The following ERLEC1 variants were observed in gnomAD, a reference collection of about 807,000 sequenced individuals.
ERLEC1 encodes ER lectin.
In ERLEC1, 47 loss-of-function variants were observed where a neutral mutation model predicts 68.0. That is an observed-to-expected ratio of 0.69 (90% CI 0.55 to 0.88). The LOEUF (loss-of-function observed/expected upper bound fraction) is 0.88, where lower values mean the gene tolerates loss of function less well. Among genes scored for constraint, ERLEC1 ranks in the 40% least tolerant of loss-of-function variants. ERLEC1 has a pLI of 0.00. For missense variants in ERLEC1, 567 were observed against 583.8 expected, an observed-to-expected ratio of 0.97 and a Z score of 0.30; for synonymous variants, 225 against 203.2, an observed-to-expected ratio of 1.11 and a Z score of -0.91.
intron 1 of ERLEC1, among the ~76,000 whole-genome samples, chr2:53,790,790 T>C (rs1187296249): frequency 6.6e-6 from 1 of 152,230 alleles, no homozygotes; most frequent in Non-Finnish European, 1.5e-5. Flanking sequence ...TTGTGTATTT[T>C]TGATGTGTAC....
intron 8 of ERLEC1, among the ~76,000 whole-genome samples, chr2:53,804,695 T>C (rs902906993): frequency 3.3e-5 from 5 of 152,150 alleles, no homozygotes; most frequent in East Asian, 1.9e-4. Context: ...TGAGACTCTT[T>C]TAGTATTATT....
chr2:53,805,034 G>A (rs1203923937), intron 8 of ERLEC1, among the ~76,000 whole-genome samples: 2 of 107,526 alleles, frequency 1.9e-5, no homozygotes, highest in African/African-American at 7.4e-5. Context: ...TCACTCTGTT[G>A]CCCAGGCTGG....
intron 9 of ERLEC1, 97 bp downstream of exon 9, chr2:53,808,557 A>G: frequency 3.2e-6 from 4 of 1,234,644 alleles, no homozygotes; most frequent in Non-Finnish European, 4.5e-6. Context: ...ATTTTTCTCT[A>G]GAGAAATGAC....
intron 3 of ERLEC1, among the ~76,000 whole-genome samples, chr2:53,796,246 GT>G (rs200295316): frequency 0.44 from 55,376 of 126,170 alleles, 8,831 homozygotes; most frequent in East Asian, 0.58. Context: ...TGATGGGTTG[GT>G]TTTTTTTTTT....
chr2:53,812,301 A>AT (rs1227491408), intron 10 of ERLEC1, among the ~76,000 whole-genome samples: 1 of 152,178 alleles, frequency 6.6e-6, no homozygotes, highest in Admixed American at 6.5e-5. Context: ...AACCAAAGGA[A>AT]TGCAAGGAGG....
chr2:53,808,158 A>T, intron 8 of ERLEC1, 141 bp from the exon 9 acceptor site: 1 of 824,084 alleles, frequency 1.2e-6, no homozygotes, highest in Non-Finnish European at 1.8e-6. Context: ...TGCAAAGTCC[A>T]TTATCTTAAA....
chr2:53,814,517 A>T (rs758395006), intron 11 of ERLEC1, 26 bp from the exon 12 acceptor site: 2 of 1,571,984 alleles, frequency 1.3e-6, no homozygotes, highest in Admixed American at 3.4e-5. Flanking sequence ...TTAGTTTAAT[A>T]AAACTTGTGT....
chr2:53,803,284 G>A (rs1379796326), intron 8 of ERLEC1, among the ~76,000 whole-genome samples: 2 of 152,216 alleles, frequency 1.3e-5, no homozygotes, highest in Admixed American at 1.3e-4. Flanking sequence ...GGAGGAAAAT[G>A]TGATTAATTC....
intron 1 of ERLEC1, among the ~76,000 whole-genome samples, chr2:53,788,429 G>A (rs894463795): frequency 2.0e-5 from 3 of 152,136 alleles, no homozygotes; most frequent in African/African-American, 4.8e-5. Context: ...TTGAGACAGG[G>A]TCTCAGTCTG....
intron 8 of ERLEC1, among the ~76,000 whole-genome samples, chr2:53,804,359 C>T (rs891022281): frequency 6.6e-6 from 1 of 151,536 alleles, no homozygotes; most frequent in Non-Finnish European, 1.5e-5. Context: ...CTGCAACCTC[C>T]ATCTCCTGGG....
At chr2:53,798,527 TG>T (rs1371765709) in intron 5 of ERLEC1, among the ~76,000 whole-genome samples, 2 of 151,866 alleles carry the variant, frequency 1.3e-5, no homozygotes, top group Non-Finnish European at 2.9e-5. Context: ...CCCAAAGTCC[TG>T]GGATCGTATG....
intron 5 of ERLEC1, 65 bp from the exon 6 acceptor site, chr2:53,798,982 A>C: frequency 6.9e-7 from 1 of 1,443,588 alleles, no homozygotes; most frequent in Non-Finnish European, 9.6e-7. Flanking sequence ...AGGTGGTTGA[A>C]AACTTACTCA....
chr2:53,808,948 T>G (rs1194318698), intron 9 of ERLEC1, among the ~76,000 whole-genome samples: 1 of 152,216 alleles, frequency 6.6e-6, no homozygotes, highest in Non-Finnish European at 1.5e-5. Flanking sequence ...CTTTACAAAG[T>G]TAAAAATTTT....
intron 1 of ERLEC1, among the ~76,000 whole-genome samples, chr2:53,792,216 C>CTTTT (rs535494639): frequency 2.2e-5 from 3 of 138,172 alleles, no homozygotes; most frequent in Non-Finnish European, 3.1e-5. Context: ...CGCGCCAGGC[C>CTTTT]TTTTTTTTTT....
At chr2:53,790,980 C>T (rs953679772) in intron 1 of ERLEC1, among the ~76,000 whole-genome samples, 1 of 152,196 alleles carries the variant, frequency 6.6e-6, no homozygotes, top group Non-Finnish European at 1.5e-5. Context: ...AATTTTCTGT[C>T]TACTTCTGTT....
At chr2:53,791,906 TAAAAAAAAAAA>T (rs569591198) in intron 1 of ERLEC1, among the ~76,000 whole-genome samples, 5 of 117,766 alleles carry the variant, frequency 4.2e-5, no homozygotes, top group East Asian at 5.9e-4. Flanking sequence ...AATGCTCTTT[TAAAAAAAAAAA>T]AAAAAAAAAA....
chr2:53,791,311 A>G (rs1263866770), intron 1 of ERLEC1, among the ~76,000 whole-genome samples: 1 of 152,192 alleles, frequency 6.6e-6, no homozygotes, highest in Admixed American at 6.5e-5. Flanking sequence ...CAGATCTCTA[A>G]TAAAATTTGA....
rs185353101 is a variant in ERLEC1, at chr2:53,798,886, C to T, written c.491-161C>T. Among the ~76,000 whole-genome samples the T allele has an allele frequency of 1.0e-3, 158 of 152,000 alleles. 1 individual carries two copies. The highest frequency in any genetic ancestry group is 3.5e-3 in the African/African-American group (145 of 41,470). On this transcript the variant is annotated intron_variant, in intron 5 of 13. Coordinates refer to ENST00000185150, the MANE Select transcript of ERLEC1 (RefSeq NM_015701.5). ...AAATATGACTTCCTTTCATACAAAA[C>T]CATTTCAAGGAAACTAGCTTTAAAG...
chr2:53,790,067 G>A (rs1393099834), intron 1 of ERLEC1, among the ~76,000 whole-genome samples: 3 of 150,954 alleles, frequency 2.0e-5, no homozygotes, highest in Non-Finnish European at 3.0e-5. Context: ...CTCACCTGGC[G>A]CTGCCATTTT....
Sources: gnomAD v4.1 joint callset for allele counts (sites outside exome capture counted in the v4.1 genomes callset) on GRCh38, gnomAD v4.1.1 for gene constraint, MANE v1.5 for transcripts, NCBI Gene and HGNC (gene_info 2026-07-23, HGNC 2026-07-21) for gene names.